COL24A1: variants seen among roughly 807,000 people sequenced by gnomAD.
COL24A1 encodes the protein collagen alpha-1(XXIV) chain.
Under a neutral mutation model 253.9 loss-of-function variants are expected in COL24A1, and 224 were observed. The observed-to-expected ratio is 0.88, with a 90% CI of 0.79 to 0.99. The LOEUF is 0.99. Among genes scored for constraint, COL24A1 ranks in the 50% least tolerant of loss-of-function variants. COL24A1 has a pLI of 0.00. For synonymous variants in COL24A1, 685 were observed against 673.7 expected (o/e 1.02, Z -0.26); for missense variants, 2,131 against 2,068.5 (o/e 1.03, Z -0.59).
intron 47 of COL24A1, among the ~76,000 whole-genome samples, chr1:85,788,148 T>G (rs980919959): frequency 1.3e-5 from 2 of 152,146 alleles, no homozygotes; most frequent in African/African-American, 2.4e-5. Context: ...TGGAGTGCAG[T>G]GGTGCGATCT....
In COL24A1 at chr1:85,791,796, A is replaced by G. The variant is rs553773332; in HGVS notation, c.3952-5335T>C. Among the ~76,000 whole-genome samples the G allele has an allele frequency of 1.9e-3, 283 of 152,318 alleles. 2 individuals carry two copies. Among genetic ancestry groups the G allele is most frequent in the Non-Finnish European group, 3.1e-3 (212 of 68,018 alleles). ...CTCATTACAGGCCAATATTAACAGC[A>G]TTAACAAGTGCAGAAAATTCTTACA... On this transcript the variant is annotated intron_variant, in intron 47 of 59. Transcript: ENST00000370571.
intron 10 of COL24A1, among the ~76,000 whole-genome samples, chr1:86,054,765 A>G (rs1187314356): frequency 6.6e-6 from 1 of 152,226 alleles, no homozygotes; most frequent in Non-Finnish European, 1.5e-5. Context: ...TAGAATTACC[A>G]TTTGACCCAG....
intron 57 of COL24A1, among the ~76,000 whole-genome samples, chr1:85,742,265 G>A (rs576744475): frequency 6.6e-6 from 1 of 151,506 alleles, no homozygotes; most frequent in South Asian, 2.1e-4. Flanking sequence ...CTGAGTAGCT[G>A]GGACTACAGG....
At chr1:86,085,685 T>C (rs1703008541) in intron 7 of COL24A1, among the ~76,000 whole-genome samples, 1 of 152,224 alleles carries the variant, frequency 6.6e-6, no homozygotes, top group South Asian at 2.1e-4. Context: ...GGATCAAACT[T>C]ACCTGTTTTT....
At chr1:85,951,441 G>A (rs986343108) in intron 24 of COL24A1, among the ~76,000 whole-genome samples, 5 of 152,094 alleles carry the variant, frequency 3.3e-5, no homozygotes, top group Admixed American at 2.0e-4. Flanking sequence ...GTGGGAAAGC[G>A]AAGGTCTTTA....
intron 18 of COL24A1, among the ~76,000 whole-genome samples, chr1:86,021,878 T>C (rs1484912233): frequency 1.3e-5 from 2 of 152,182 alleles, no homozygotes; most frequent in African/African-American, 4.8e-5. Context: ...TTCTTCAGAC[T>C]GTTTCCTTAA....
intron 24 of COL24A1, among the ~76,000 whole-genome samples, chr1:85,959,131 A>G (rs1400683273): frequency 2.0e-5 from 3 of 152,148 alleles, no homozygotes; most frequent in Non-Finnish European, 4.4e-5. Context: ...TCTCTCAAGA[A>G]TTTTCTTGGC....
At chr1:85,949,761 T>C (rs1016138213) in intron 24 of COL24A1, among the ~76,000 whole-genome samples, 1 of 152,158 alleles carries the variant, frequency 6.6e-6, no homozygotes, top group African/African-American at 2.4e-5. Flanking sequence ...GCAATATGAC[T>C]GTTTCAAAAT....
chr1:85,851,431 C>T (rs1677755835), intron 37 of COL24A1, among the ~76,000 whole-genome samples: 2 of 152,046 alleles, frequency 1.3e-5, no homozygotes, highest in African/African-American at 4.8e-5. Flanking sequence ...TCTCTATGTG[C>T]TCATGTCAAG....
chr1:85,945,747 A>T (rs1689269536), intron 24 of COL24A1, among the ~76,000 whole-genome samples: 1 of 151,436 alleles, frequency 6.6e-6, no homozygotes, highest in African/African-American at 2.4e-5. Context: ...TCCTATAGGC[A>T]ACTTAAGTGA....
chr1:85,777,524 C>T (rs1668676289), intron 52 of COL24A1, among the ~76,000 whole-genome samples: 1 of 151,986 alleles, frequency 6.6e-6, no homozygotes, highest in Non-Finnish European at 1.5e-5. Context: ...GCATAATATT[C>T]CATGAAATGG....
chr1:85,972,197 T>C (rs72954585), intron 20 of COL24A1, among the ~76,000 whole-genome samples: 1,734 of 152,296 alleles, frequency 0.011, 28 homozygotes, highest in African/African-American at 0.039. Context: ...TTAGTCATTT[T>C]ATAACCATTA....
intron 20 of COL24A1, among the ~76,000 whole-genome samples, chr1:85,974,738 T>A (rs1692498332): frequency 6.6e-6 from 1 of 152,182 alleles, no homozygotes; most frequent in South Asian, 2.1e-4. Context: ...TTCATATTTA[T>A]CATATGTTAA....
chr1:85,802,322 C>T (rs912328732), intron 47 of COL24A1, among the ~76,000 whole-genome samples: 1 of 152,104 alleles, frequency 6.6e-6, no homozygotes, highest in African/African-American at 2.4e-5. Flanking sequence ...CAAACCATAT[C>T]ACTCTACACC....
chr1:85,852,884 A>G lies in COL24A1; in HGVS notation c.3301-3478T>C, dbSNP rs12563237. 1.6e-4 allele frequency among the ~76,000 whole-genome samples: 25 copies of G among 152,266 alleles called. 1 individual carries two copies. The East Asian group carries it at 4.6e-3, about 28-fold the overall frequency. ...AGGCGGGACTTGAACTCCTAGGATCAAGCAATCCACTCACCTCAGCCTCTC... is the reference window on the plus strand; with the variant it reads ...AGGCGGGACTTGAACTCCTAGGATCGAGCAATCCACTCACCTCAGCCTCTC... On this transcript the variant is annotated intron_variant, in intron 37 of 59. Transcript: ENST00000370571.
intron 24 of COL24A1, among the ~76,000 whole-genome samples, chr1:85,952,149 A>C (rs1267359091): frequency 6.6e-6 from 1 of 152,204 alleles, no homozygotes. Flanking sequence ...ACTTTTTCAA[A>C]ATAATAAAAT....
At chr1:85,862,621 T>C (rs971961182) in intron 37 of COL24A1, among the ~76,000 whole-genome samples, 2 of 152,148 alleles carry the variant, frequency 1.3e-5, no homozygotes, top group African/African-American at 4.8e-5. Context: ...AATGTACAGC[T>C]CTTTAGTGGG....
intron 53 of COL24A1, among the ~76,000 whole-genome samples, chr1:85,774,001 GT>G (rs1668260692): frequency 6.6e-6 from 1 of 152,150 alleles, no homozygotes; most frequent in African/African-American, 2.4e-5. Context: ...GATATTGGCT[GT>G]GGGTTTGTCA....
chr1:86,036,548 T>C (rs1699044963), intron 12 of COL24A1, among the ~76,000 whole-genome samples: 1 of 152,162 alleles, frequency 6.6e-6, no homozygotes, highest in Non-Finnish European at 1.5e-5. Flanking sequence ...TTTTATATTG[T>C]TGAATATTTC....
Sources: gnomAD v4.1 joint callset for allele counts (sites outside exome capture counted in the v4.1 genomes callset) on GRCh38, gnomAD v4.1.1 for gene constraint, MANE v1.5 for transcripts, NCBI Gene and HGNC (gene_info 2026-07-23, HGNC 2026-07-21) for gene names.